MEI4: variants seen among roughly 807,000 people sequenced by gnomAD.
MEI4 encodes meiosis-specific protein MEI4.
Under a neutral mutation model 31.4 loss-of-function variants are expected in MEI4, and 27 were observed. The ratio of observed to expected loss-of-function variants is 0.86; its 90% CI spans 0.63 to 1.19. MEI4 has a LOEUF of 1.19. MEI4 is among the 50% of genes most tolerant of loss of function. The pLI is 0.00. For missense variants in MEI4, 329 were observed against 398.9 expected (o/e 0.82, Z 1.49); for synonymous variants, 122 against 145.4 (o/e 0.84, Z 1.16).
At chr6:77,696,109 G>T (rs894372144) in intron 2 of MEI4, among the ~76,000 whole-genome samples, 3 of 152,120 alleles carry the variant, frequency 2.0e-5, no homozygotes, top group Non-Finnish European at 4.4e-5. Context: ...TTTGCACATT[G>T]ATTTTGTATC....
In MEI4 at chr6:77,701,566, C is replaced by T. The variant is rs535097562; in HGVS notation, c.232+10663C>T. Among the ~76,000 whole-genome samples the T allele has an allele frequency of 6.6e-5, 10 of 151,674 alleles. No homozygotes were observed. The East Asian group carries it at 1.6e-3, about 24-fold the overall frequency. ...TTAAGTAGTTAATATATTCATAAAT[C>T]ATAGATAGTATTACACATCTATGTG... On this transcript the variant is annotated intron_variant, in intron 2 of 4. Transcript: ENST00000684080.
chr6:77,821,476 T>C (rs535997411), intron 3 of MEI4, among the ~76,000 whole-genome samples: 2 of 152,210 alleles, frequency 1.3e-5, no homozygotes, highest in East Asian at 3.9e-4. Context: ...TATGGCTGGA[T>C]TTGCAGATTC....
intron 1 of MEI4, among the ~76,000 whole-genome samples, chr6:77,686,307 A>T (rs1457701270): frequency 1.3e-5 from 2 of 152,164 alleles, no homozygotes; most frequent in African/African-American, 2.4e-5. Context: ...AATATCATTC[A>T]GACTTCCTCA....
rs539948654 is a variant in MEI4 at position 77,823,785 on chromosome 6, A to C, written c.769-5146A>C. ...CATAATTCTGGATGCTTCAGAAAGTAGGAAACACATTAGTGGCATTACTGC... is the reference window on the plus strand; with the variant it reads ...CATAATTCTGGATGCTTCAGAAAGTCGGAAACACATTAGTGGCATTACTGC... On this transcript the variant is annotated intron_variant, in intron 3 of 4. Coordinates refer to ENST00000684080, the MANE Select transcript of MEI4 (RefSeq NM_001322247.2). Among the ~76,000 whole-genome samples the C allele has an allele frequency of 2.0e-5, 3 of 152,326 alleles. No homozygotes were observed. In the South Asian group the frequency reaches 6.2e-4, roughly 32 times the overall value.
chr6:77,803,737 C>T (rs1769343284), intron 3 of MEI4, among the ~76,000 whole-genome samples: 2 of 152,216 alleles, frequency 1.3e-5, no homozygotes, highest in South Asian at 4.1e-4. Context: ...TGGAGGTCCA[C>T]TCCAGACCCT....
chr6:77,772,071 TAA>T (rs1334724930), intron 3 of MEI4, among the ~76,000 whole-genome samples: 3 of 151,886 alleles, frequency 2.0e-5, no homozygotes, highest in Admixed American at 1.3e-4. Flanking sequence ...ATGGTGAAAT[TAA>T]AAAGTCTCCC....
chr6:77,831,145 GA>G (rs1233742168), intron 4 of MEI4, among the ~76,000 whole-genome samples: 1,360 of 119,572 alleles, frequency 0.011, 7 homozygotes, highest in Non-Finnish European at 0.016. Context: ...GCAGGCATAT[GA>G]AAAAAAAAAA....
intron 1 of MEI4, among the ~76,000 whole-genome samples, 164 bp downstream of exon 1, chr6:77,653,256 C>T (rs967324550): frequency 6.6e-6 from 1 of 152,176 alleles, no homozygotes; most frequent in African/African-American, 2.4e-5. Context: ...TAATTTTATT[C>T]ATGCTACATT....
Position 77,856,969 on chromosome 6 carries a change from A to G in MEI4, c.900+27907A>G, listed in dbSNP as rs1200740611. On this transcript the variant is annotated intron_variant, in intron 4 of 4. Coordinates refer to ENST00000684080, the MANE Select transcript of MEI4 (RefSeq NM_001322247.2). ...GCATTATGCTAATCTCCTTACCACA[A>G]TTTTGATTTGATTGGTTGGCTTTAT... Among the ~76,000 whole-genome samples, 5 of 152,078 alleles carry G rather than the reference A, an allele frequency of 3.3e-5. No homozygotes were observed. The East Asian group carries it at 9.6e-4, about 29-fold the overall frequency.
chr6:77,655,130 C>T (rs1488737700), intron 1 of MEI4, among the ~76,000 whole-genome samples: 8 of 152,098 alleles, frequency 5.3e-5, no homozygotes, highest in Non-Finnish European at 1.2e-4. Flanking sequence ...TGTTCAACTC[C>T]CACTTATGAC....
intron 4 of MEI4, among the ~76,000 whole-genome samples, chr6:77,851,487 C>T (rs1355416550): frequency 4.0e-5 from 6 of 151,898 alleles, no homozygotes. Flanking sequence ...TTTGTAGGGA[C>T]ATGGATGAAG....
At chr6:77,731,367 T>C (rs1265980929) in intron 2 of MEI4, among the ~76,000 whole-genome samples, 3 of 151,470 alleles carry the variant, frequency 2.0e-5, no homozygotes, top group Admixed American at 1.3e-4. Context: ...TTTGCATTTC[T>C]CTGATGGCCA....
intron 4 of MEI4, among the ~76,000 whole-genome samples, chr6:77,878,591 G>T (rs757125808): frequency 3.9e-5 from 6 of 152,016 alleles, no homozygotes; most frequent in Non-Finnish European, 4.4e-5. Flanking sequence ...ATTTTATAAT[G>T]AATGTTTTCA....
intron 4 of MEI4, among the ~76,000 whole-genome samples, chr6:77,909,305 C>A (rs147795355): frequency 1.3e-5 from 2 of 151,812 alleles, no homozygotes; most frequent in Non-Finnish European, 2.9e-5. Flanking sequence ...ACTGATAGAC[C>A]GCTAGCAAGA....
intron 3 of MEI4, among the ~76,000 whole-genome samples, chr6:77,821,194 A>G (rs12214083): frequency 0.17 from 25,670 of 151,894 alleles, 2,758 homozygotes; most frequent in Non-Finnish European, 0.23. Context: ...TAGTTATTCT[A>G]TATTCCGTAT....
chr6:77,776,849 T>C (rs1412061993), intron 3 of MEI4, among the ~76,000 whole-genome samples: 1 of 152,172 alleles, frequency 6.6e-6, no homozygotes, highest in Non-Finnish European at 1.5e-5. Context: ...TGATATTTGA[T>C]GGCAAGTCAT....
chr6:77,856,706 C>T (rs765435008), intron 4 of MEI4, among the ~76,000 whole-genome samples: 1 of 152,150 alleles, frequency 6.6e-6, no homozygotes, highest in African/African-American at 2.4e-5. Flanking sequence ...TCATCACTCA[C>T]AGCTACACAG....
intron 4 of MEI4, among the ~76,000 whole-genome samples, chr6:77,846,789 G>A (rs1169152952): frequency 6.6e-6 from 1 of 152,068 alleles, no homozygotes; most frequent in Non-Finnish European, 1.5e-5. Context: ...TTAATTTATG[G>A]GATACAGAGA....
chr6:77,919,096 G>A (rs889980787), intron 4 of MEI4, among the ~76,000 whole-genome samples: 4 of 152,090 alleles, frequency 2.6e-5, no homozygotes, highest in African/African-American at 9.6e-5. Flanking sequence ...CAACAAGACA[G>A]AAAGTCAACA....
Sources: gnomAD v4.1 joint callset for allele counts (sites outside exome capture counted in the v4.1 genomes callset) on GRCh38, gnomAD v4.1.1 for gene constraint, MANE v1.5 for transcripts, NCBI Gene and HGNC (gene_info 2026-07-23, HGNC 2026-07-21) for gene names.